The following CLIP1 variants were observed in gnomAD, a reference collection of about 807,000 sequenced individuals.
The protein encoded by CLIP1 is CAP-Gly domain containing linker protein 1.
Under a neutral mutation model 161.6 loss-of-function variants are expected in CLIP1, and 66 were observed. The ratio of observed to expected loss-of-function variants is 0.41; its 90% confidence interval spans 0.33 to 0.50. The LOEUF (loss-of-function observed/expected upper bound fraction) is 0.50, where lower values mean the gene tolerates loss of function less well. CLIP1 is among the 20% of genes least tolerant of loss of function. The pLI is 0.27. For missense variants in CLIP1, 1,376 were observed against 1,702.0 expected (o/e 0.81, Z 3.37); for synonymous variants, 598 against 626.2 (o/e 0.96, Z 0.67).
chr12:122,402,048 G>C (rs1285750349), intron 1 of CLIP1, among the ~76,000 whole-genome samples: 1 of 151,896 alleles, frequency 6.6e-6, no homozygotes, highest in Non-Finnish European at 1.5e-5. Context: ...TTTGTTGACA[G>C]TATTATACTT....
intron 17 of CLIP1, among the ~76,000 whole-genome samples, chr12:122,327,374 C>T (rs984561083): frequency 1.3e-5 from 2 of 152,124 alleles, no homozygotes; most frequent in Non-Finnish European, 2.9e-5. Flanking sequence ...TATCTACTAA[C>T]AAGGTGTTTC....
chr12:122,358,301 C>T (rs1190627137), intron 5 of CLIP1, among the ~76,000 whole-genome samples: 2 of 151,832 alleles, frequency 1.3e-5, no homozygotes, highest in South Asian at 2.1e-4. Context: ...ACAAACACTG[C>T]GGAAGGCCGC....
Position 122,373,203 on chromosome 12 carries a change from T to C in CLIP1, c.657+4186A>G, listed in dbSNP as rs144829491. Among the ~76,000 whole-genome samples, 419 of 152,218 alleles carry C rather than the reference T, an allele frequency of 2.8e-3. 2 individuals are homozygous for C. Among genetic ancestry groups the C allele is most frequent in the African/African-American group, 9.4e-3 (391 of 41,544 alleles). On this transcript the variant is annotated intron_variant, in intron 3 of 25. Transcript: ENST00000620786. Reference sequence around the variant, plus strand: ...ACTTTGGGAGGCAGAGGCAGGTGGATTGCCTGAGCTCAGGAGTTCAAGACT... The same window carrying C: ...ACTTTGGGAGGCAGAGGCAGGTGGACTGCCTGAGCTCAGGAGTTCAAGACT...
chr12:122,331,136 T>A (rs1261233158), intron 15 of CLIP1, among the ~76,000 whole-genome samples: 2 of 152,078 alleles, frequency 1.3e-5, no homozygotes, highest in Non-Finnish European at 2.9e-5. Context: ...TGCCTCAGCC[T>A]CCTGAGTAGC....
chr12:122,348,467 AGCTGGTGGGT>A (rs1387301730), intron 9 of CLIP1, among the ~76,000 whole-genome samples: 2 of 152,198 alleles, frequency 1.3e-5, no homozygotes, highest in Non-Finnish European at 2.9e-5. Context: ...TCTCAAAAAG[AGCTGGTGGGT>A]TCCTAAGGTG....
Position 122,274,038 on chromosome 12 carries a change from C to G in CLIP1, c.4091G>C (p.Ser1364Thr), listed in dbSNP as rs775864030. ...GNGDDLNNYD[S>T]DDQEKQSKKK... is the part of the protein sequence containing the mutation. ...ATCAGTATGTCTTCATATGAAATACCTGTCATAATTGTTTAGGTCATCCCC... is the reference window on the plus strand; with the variant it reads ...ATCAGTATGTCTTCATATGAAATACGTGTCATAATTGTTTAGGTCATCCCC... The change falls in exon 25 of 26, where the codon AGT becomes ACT. Residue 1364 changes from serine to threonine, a missense_variant and splice_region_variant. Coordinates refer to ENST00000620786, the MANE Select transcript of CLIP1 (RefSeq NM_001247997.2). 6.2e-7 allele frequency: 1 copy of G among 1,613,286 alleles called. No homozygotes were observed. The highest frequency in any genetic ancestry group is 1.1e-5 in the South Asian group (1 of 91,044).
chr12:122,293,380 C>G (rs186951662), intron 20 of CLIP1, among the ~76,000 whole-genome samples: 10 of 152,258 alleles, frequency 6.6e-5, no homozygotes, highest in Admixed American at 5.2e-4. Context: ...AAACAAAAAC[C>G]CCTAGGTGCT....
At chr12:122,291,682 C>CTGTTGATTTT (rs1950257289) in intron 20 of CLIP1, among the ~76,000 whole-genome samples, 1 of 152,058 alleles carries the variant, frequency 6.6e-6, no homozygotes, top group South Asian at 2.1e-4. Context: ...GAGGTACACA[C>CTGTTGATTTT]TGTTGATTTT....
intron 1 of CLIP1, among the ~76,000 whole-genome samples, chr12:122,404,985 T>A (rs1956278330): frequency 6.6e-6 from 1 of 151,500 alleles, no homozygotes; most frequent in Admixed American, 6.6e-5. Context: ...CATATCCCCA[T>A]CAAGTTCACT....
intron 22 of CLIP1, 28 bp from the exon 23 acceptor site, chr12:122,278,970 G>C: frequency 6.2e-7 from 1 of 1,605,704 alleles, no homozygotes; most frequent in Non-Finnish European, 8.5e-7. Context: ...AGCTTAGGCT[G>C]AGGGTTTGAA....
At chr12:122,300,327 A>G (rs1426148503) in intron 20 of CLIP1, among the ~76,000 whole-genome samples, 1 of 152,204 alleles carries the variant, frequency 6.6e-6, no homozygotes, top group Non-Finnish European at 1.5e-5. Context: ...ACATCTCCAT[A>G]TATATACACA....
intron 17 of CLIP1, among the ~76,000 whole-genome samples, chr12:122,324,867 A>C (rs1951648077): frequency 6.6e-6 from 1 of 152,204 alleles, no homozygotes; most frequent in Non-Finnish European, 1.5e-5. Flanking sequence ...ACAGGACCTT[A>C]CTTAAGGGTA....
At chr12:122,388,871 A>C (rs145984373) in intron 1 of CLIP1, among the ~76,000 whole-genome samples, 54 of 152,282 alleles carry the variant, frequency 3.5e-4, no homozygotes, top group African/African-American at 1.3e-3. Context: ...AACTGCACCC[A>C]GCCCAGATGC....
Position 122,286,520 on chromosome 12 carries a change from TAAAAAAA to T in CLIP1, c.3647+1962_3647+1968del, listed in dbSNP as rs57260606. ...TGGGTGATAGAGCAAGACTCTGTCT[TAAAAAAA>T]AAAAAAAAAAAAAAAAAAAAAAAAA... is the stretch of plus-strand genomic sequence containing the variant. On this transcript the variant is annotated intron_variant, in intron 21 of 25. Transcript: ENST00000620786. 5.3e-4 allele frequency among the ~76,000 whole-genome samples: 15 copies of T among 28,252 alleles called. No individual in the cohort carries two copies. In the South Asian group the frequency reaches 9.4e-3, roughly 18 times the overall value. The allele number at this position is 28,252 out of a possible 152,430, so 18.5% of individuals were successfully genotyped here.
rs1954954813 is a variant in CLIP1 at position 122,380,239 on chromosome 12, T to G, written c.85+129A>C. 1.6e-5 allele frequency: 9 copies of G among 573,420 alleles called. No homozygotes were observed. In the South Asian group the frequency reaches 2.4e-4, roughly 15 times the overall value. 35.5% of individuals were successfully genotyped at this position (573,420 alleles called of 1,614,324 possible). A position where few individuals can be genotyped will look rare whatever the true frequency, so the allele number is the denominator to read the frequency against. ...GCCTGGGTGACAGAGTTAGATTCCA[T>G]CTCAAAAAAAAAAAAAAATCTTTCA... is the stretch of plus-strand genomic sequence containing the variant. On this transcript the variant is annotated intron_variant, in intron 2 of 25. Coordinates refer to ENST00000620786, the MANE Select transcript of CLIP1 (RefSeq NM_001247997.2).
chr12:122,357,620 C>T (rs1237124710), intron 5 of CLIP1, among the ~76,000 whole-genome samples: 76 of 146,084 alleles, frequency 5.2e-4, no homozygotes, highest in Non-Finnish European at 7.0e-4. Flanking sequence ...GCGCCTCTGC[C>T]CGGCCACCCC....
Position 122,279,185 on chromosome 12 carries a change from A to C in CLIP1, c.3648-40T>G, listed in dbSNP as rs367900505. The C allele has an allele frequency of 7.4e-7, 1 of 1,350,678 alleles. No individual in the cohort carries two copies. The highest frequency in any genetic ancestry group is 1.4e-5 in the African/African-American group (1 of 69,008). The allele number at this position is 1,350,678 out of a possible 1,614,324, so 83.7% of individuals were successfully genotyped here. On this transcript the variant is annotated intron_variant, in intron 21 of 25. Coordinates refer to ENST00000620786, the MANE Select transcript of CLIP1 (RefSeq NM_001247997.2). The surrounding 1 kb of genome is among the most constrained non-coding windows in gnomAD (Gnocchi z 4.5). ...AGTTAAAAGTTCCACAAATCAACCG[A>C]AAGACTGGTCAGTGTACAACTGTTC...
chr12:122,338,757 T>C (rs1353281761), intron 11 of CLIP1, among the ~76,000 whole-genome samples: 1 of 151,942 alleles, frequency 6.6e-6, no homozygotes, highest in Non-Finnish European at 1.5e-5. Context: ...CACTGGACAA[T>C]AGTCATTAGA....
chr12:122,333,055 T>A lies in CLIP1; in HGVS notation c.2799A>T (p.Ile933=), dbSNP rs370637977. The change falls in exon 15 of 26, where the codon ATA becomes ATT. Residue 933 remains isoleucine, a synonymous_variant. Coordinates refer to ENST00000620786, the MANE Select transcript of CLIP1 (RefSeq NM_001247997.2). ...AAGAGTTATCTCCTGACATCTTCAT[T>A]ATTTCTGCAATGTCATTTTCCAGTT... The part of the protein sequence containing the change: ...KEKLENDIAE[I]MKMSGDNSSQ... 1.2e-6 allele frequency: 2 copies of A among 1,613,538 alleles called. No homozygotes were observed. Among genetic ancestry groups the A allele is most frequent in the African/African-American group, 2.7e-5 (2 of 74,930 alleles).
Sources: allele counts gnomAD v4.1 joint callset (sites outside exome capture counted in the v4.1 genomes callset), GRCh38; gene constraint gnomAD v4.1.1; non-coding constraint Gnocchi (gnomAD v3.1); transcripts MANE v1.5; gene names NCBI Gene and HGNC (gene_info 2026-07-23, HGNC 2026-07-21).